Variants in TBC1D30 observed in about 807,000 individuals in gnomAD.
TBC1D30 encodes the protein TBC1 domain family member 30, also known as TBC1 domain family, member 30.
In TBC1D30, 31 loss-of-function variants were observed where a neutral mutation model predicts 63.2. The ratio of observed to expected loss-of-function variants is 0.49; its 90% CI spans 0.37 to 0.66. The LOEUF is 0.66. TBC1D30 is among the 30% of genes least tolerant of loss of function. The pLI is 0.00. For synonymous variants in TBC1D30, 307 were observed against 361.5 expected (o/e 0.85, Z 1.71); for missense variants, 810 against 953.6 (o/e 0.85, Z 1.98).
At chr12:64,835,568 C>G (rs984264603) in intron 5 of TBC1D30, among the ~76,000 whole-genome samples, 15 of 152,252 alleles carry the variant, frequency 9.9e-5, no homozygotes, top group African/African-American at 3.4e-4. Flanking sequence ...GGGTCAGGTA[C>G]ATAGCATGCC....
intron 2 of TBC1D30, among the ~76,000 whole-genome samples, chr12:64,804,424 T>G (rs751150561): frequency 3.9e-5 from 6 of 152,204 alleles, no homozygotes; most frequent in Non-Finnish European, 8.8e-5. Context: ...TAGAATAATG[T>G]CACCTGCAAA....
Position 64,843,414 on chromosome 12 carries a change from T to G in TBC1D30, c.967T>G (p.Tyr323Asp). 2.0e-6 allele frequency: 3 copies of G among 1,536,386 alleles called. No homozygotes were observed. In the East Asian group the frequency reaches 7.3e-5, roughly 38 times the overall value. Reference protein sequence around the residue: ...IECCETADEFYSTMGRLTQEM... With the variant: ...IECCETADEFDSTMGRLTQEM... ...ATGTTGTGAAACAGCAGATGAATTC[T>G]ACAGCACCATGGGGCGCCTTACCCA... The change falls in exon 8 of 12, where the codon TAC (tyrosine) becomes GAC (aspartate). Residue 323 changes from tyrosine to aspartate, a missense_variant. Coordinates refer to ENST00000539867, the MANE Select transcript of TBC1D30 (RefSeq NM_015279.2).
rs987671515 is a variant in TBC1D30, at chr12:64,785,798, A to T, written c.479-83A>T. The T allele has an allele frequency of 1.3e-5, 14 of 1,113,654 alleles. No homozygotes were observed. The African/African-American group carries it at 2.3e-4, about 18-fold the overall frequency. The allele number at this position is 1,113,654 out of a possible 1,614,324, so 69.0% of individuals were successfully genotyped here. The stretch of plus-strand genomic sequence containing the variant: ...ATTAGTTGGTTTAAATGGATGTTCT[A>T]TTTATCTTTGGACTAATATCACACT... On this transcript the variant is annotated intron_variant, in intron 1 of 12. Transcript: ENST00000542120.
chr12:64,834,707 CTTTTTTTTTTT>C (rs11374555), intron 5 of TBC1D30, among the ~76,000 whole-genome samples: 3 of 76,320 alleles, frequency 3.9e-5, no homozygotes, highest in African/African-American at 5.0e-5. Flanking sequence ...CCGTGCCGGG[CTTTTTTTTTTT>C]TTTTTTTTTT....
At chr12:64,777,564 C>T (rs1413055816), upstream of TBC1D30, among the ~76,000 whole-genome samples, 1 of 152,146 alleles carries the variant, frequency 6.6e-6, no homozygotes, top group Non-Finnish European at 1.5e-5. Context: ...GGTAAAAGAT[C>T]TCTACAAGGA....
intron 7 of TBC1D30, among the ~76,000 whole-genome samples, chr12:64,839,495 G>A (rs1309900905): frequency 1.3e-5 from 2 of 152,198 alleles, no homozygotes; most frequent in East Asian, 3.8e-4. Context: ...AACGGAAGAA[G>A]CATTAGGATG....
At chr12:64,858,133 G>C (rs1877468534) in intron 8 of TBC1D30, among the ~76,000 whole-genome samples, 1 of 152,188 alleles carries the variant, frequency 6.6e-6, no homozygotes, top group African/African-American at 2.4e-5. Flanking sequence ...AAAATTTGGT[G>C]TTGCAGCAGG....
In TBC1D30 at chr12:64,827,893, G is replaced by A; in HGVS notation, c.213G>A (p.Gln71=). 1 of 1,533,960 alleles carries A rather than the reference G, an allele frequency of 6.5e-7. No individual in the cohort carries two copies. Among genetic ancestry groups the A allele is most frequent in the Non-Finnish European group, 8.7e-7 (1 of 1,145,834 alleles). ...CATCTTTAGGTCAAAATGGTTTTCA[G>A]CAGGTAACTTTGATTTTGAAAACAC... is the stretch of plus-strand genomic sequence containing the variant. The part of the protein sequence containing the change: ...LEPSLGQNGF[Q]QWYDALKAVA... Residue 71 remains glutamine, a synonymous_variant, in exon 2 of 12, where the codon CAG becomes CAA. Transcript: ENST00000539867.
upstream of TBC1D30, among the ~76,000 whole-genome samples, chr12:64,821,083 G>T (rs1240109948): frequency 6.6e-6 from 1 of 152,204 alleles, no homozygotes; most frequent in Non-Finnish European, 1.5e-5. Flanking sequence ...AAGTAAAGAA[G>T]AATCTAAAGA....
At chr12:64,798,457 T>C (rs751038663) in intron 2 of TBC1D30, among the ~76,000 whole-genome samples, 6 of 152,164 alleles carry the variant, frequency 3.9e-5, no homozygotes, top group Non-Finnish European at 7.4e-5. Flanking sequence ...CAGGATAGAA[T>C]TATGTATTTT....
intron 8 of TBC1D30, among the ~76,000 whole-genome samples, chr12:64,855,632 T>G (rs1877235958): frequency 1.3e-5 from 2 of 152,230 alleles, no homozygotes; most frequent in South Asian, 4.1e-4. Context: ...TTGTTCAGCG[T>G]GTCGATTGCA....
At chr12:64,827,680 T>A (rs770082757) in intron 1 of TBC1D30, among the ~76,000 whole-genome samples, 155 bp from the exon 2 acceptor site, 50 of 152,186 alleles carry the variant, frequency 3.3e-4, no homozygotes, top group Admixed American at 5.9e-4. Context: ...AGAATCAATA[T>A]GCTTACCTTT....
chr12:64,788,753 T>C (rs755286320), intron 2 of TBC1D30, among the ~76,000 whole-genome samples: 1 of 152,204 alleles, frequency 6.6e-6, no homozygotes, highest in Admixed American at 6.5e-5. Flanking sequence ...TCTGGCACCT[T>C]TCCTGAGAGT....
At chr12:64,825,111 C>T (rs1034041916) in intron 1 of TBC1D30, 78 bp downstream of exon 1, 21 of 1,456,918 alleles carry the variant, frequency 1.4e-5, no homozygotes, top group Middle Eastern at 4.9e-4. Flanking sequence ...AGCCTGACTC[C>T]GTCTAGGCCG....
chr12:64,768,131 G>C (rs772392884), intron 1 of TBC1D30, among the ~76,000 whole-genome samples: 1 of 151,926 alleles, frequency 6.6e-6, no homozygotes, highest in Non-Finnish European at 1.5e-5. Flanking sequence ...GGGTTCCTTT[G>C]TTCAAAAAGC....
At chr12:64,829,710 A>G (rs1292899657) in intron 3 of TBC1D30, among the ~76,000 whole-genome samples, 1 of 152,242 alleles carries the variant, frequency 6.6e-6, no homozygotes, top group Non-Finnish European at 1.5e-5. Flanking sequence ...TGAAATACAC[A>G]CTTAGGATAT....
At position 64,864,737 on chromosome 12, in the gene TBC1D30, A is replaced by G. The variant is rs1409103514; in HGVS notation, c.1108A>G (p.Ile370Val). Residue 370 changes from isoleucine (I) to valine (V), a missense_variant, in exon 9 of 12, where the codon ATT becomes GTT. This residue lies in a region of TBC1D30 where 83 missense variants were observed against 121.5 expected (regional missense o/e 0.68). Transcript: ENST00000539867. ...GTTGAGGGAAAAATACACCTACAAC[A>G]TTACACCGTTCCCAGCCACAGTTAA... is the stretch of plus-strand genomic sequence containing the variant. ...AELREKYTYNITPFPATVKPT... is the reference protein window; with the variant it reads ...AELREKYTYNVTPFPATVKPT... 2 of 1,536,156 alleles carry G rather than the reference A, an allele frequency of 1.3e-6. No individual in the cohort carries two copies. The highest frequency in any genetic ancestry group is 2.4e-5 in the East Asian group (1 of 40,912).
chr12:64,763,176 G>A (rs1870580798), intron 1 of TBC1D30, among the ~76,000 whole-genome samples: 2 of 152,010 alleles, frequency 1.3e-5, no homozygotes, highest in South Asian at 4.1e-4. Flanking sequence ...GGCTGGTCTC[G>A]AACTCCTGAC....
chr12:64,875,404 G>A lies in TBC1D30; in HGVS notation c.1902G>A (p.Glu634=). The A allele has an allele frequency of 5.9e-6, 9 of 1,536,222 alleles. No homozygotes were observed. The highest frequency in any genetic ancestry group is 7.0e-6 in the Non-Finnish European group (8 of 1,146,926). ...SPEGSTRRTI[E]GQSPEPVFGD... ...AAGGCAGTACCAGGAGGACGATCGAGGGGCAGTCTCCGGAGCCGGTGTTCG... is the reference window on the plus strand; with the variant it reads ...AAGGCAGTACCAGGAGGACGATCGAAGGGCAGTCTCCGGAGCCGGTGTTCG... Residue 634 remains glutamate, a synonymous_variant, in exon 12 of 12, where the codon GAG becomes GAA. Transcript: ENST00000539867.
Sources: allele counts gnomAD v4.1 joint callset (sites outside exome capture counted in the v4.1 genomes callset), GRCh38; gene constraint gnomAD v4.1.1; regional missense constraint gnomAD v4.1.1; transcripts MANE v1.5; gene names NCBI Gene and HGNC (gene_info 2026-07-23, HGNC 2026-07-21).